ZNF423: variants seen among roughly 807,000 people sequenced by gnomAD.
The protein encoded by ZNF423 is zinc finger protein 423.
ZNF423 carries 12 observed loss-of-function variants against 95.8 expected under a neutral mutation model. That is an observed-to-expected ratio of 0.13 (90% CI 0.08 to 0.20). The LOEUF (loss-of-function observed/expected upper bound fraction) is 0.20. Among genes scored for constraint, ZNF423 ranks in the 10% least tolerant of loss-of-function variants. The pLI is 1.00. For synonymous variants in ZNF423, 749 were observed against 711.9 expected, an observed-to-expected ratio of 1.05 and a Z score of -0.83; for missense variants, 1,316 against 1,737.1, an observed-to-expected ratio of 0.76 and a Z score of 4.31.
At chr16:49,854,207 A>G (rs900661577) in intron 1 of ZNF423, 1 of 985,274 alleles carries the variant, frequency 1.0e-6, no homozygotes, top group African/African-American at 1.7e-5. Flanking sequence ...GAGACCAGCC[A>G]GGGTGAGGCG....
At chr16:49,543,765 T>C (rs56207352) in intron 5 of ZNF423, among the ~76,000 whole-genome samples, 41,497 of 152,084 alleles carry the variant, frequency 0.27, 6,557 homozygotes, top group African/African-American at 0.44. Context: ...TGTAAACCAG[T>C]GGGAACTCAG....
intron 7 of ZNF423, among the ~76,000 whole-genome samples, chr16:49,501,990 C>A (rs1212588460): frequency 6.6e-6 from 1 of 152,162 alleles, no homozygotes; most frequent in Non-Finnish European, 1.5e-5. Context: ...ATGCAATATA[C>A]CCATGTAATT....
At chr16:49,574,056 T>C (rs990821428) in intron 5 of ZNF423, among the ~76,000 whole-genome samples, 3 of 152,172 alleles carry the variant, frequency 2.0e-5, no homozygotes, top group Middle Eastern at 3.2e-3. Context: ...TCTCAAACTT[T>C]AGTGAATCAG....
rs191621963 is a variant in ZNF423, at chr16:49,689,318, C to T, written c.301+41453G>A. On this transcript the variant is annotated intron_variant, in intron 3 of 7. Transcript: ENST00000563137. The stretch of plus-strand genomic sequence containing the variant: ...AGATGGGTGAGGAGAATTAGCCAGG[C>T]GTGGTGGTGCGTGCCTGTGGTCCCA... Among the ~76,000 whole-genome samples, 432 of 150,856 alleles carry T rather than the reference C, an allele frequency of 2.9e-3. 4 individuals carry two copies. The highest frequency in any genetic ancestry group is 9.2e-3 in the African/African-American group (376 of 41,046).
intron 5 of ZNF423, among the ~76,000 whole-genome samples, chr16:49,564,512 T>C (rs937241786): frequency 2.0e-5 from 3 of 152,092 alleles, no homozygotes; most frequent in East Asian, 1.9e-4. Context: ...CCCTTAAACA[T>C]ATGAAATCAA....
intron 1 of ZNF423, among the ~76,000 whole-genome samples, chr16:49,793,288 C>A (rs1472148007): frequency 6.6e-6 from 1 of 152,218 alleles, no homozygotes; most frequent in East Asian, 1.9e-4. Context: ...CCCCAACCCA[C>A]ACTGGCAGCA....
chr16:49,737,105 A>T (rs1302796481), intron 2 of ZNF423, among the ~76,000 whole-genome samples: 1 of 151,814 alleles, frequency 6.6e-6, no homozygotes, highest in African/African-American at 2.4e-5. Flanking sequence ...CAGAAACTCT[A>T]TGTGGTAGGT....
intron 3 of ZNF423, among the ~76,000 whole-genome samples, chr16:49,677,392 A>AGGAGC (rs1567284351): frequency 2.2e-5 from 2 of 91,338 alleles, no homozygotes; most frequent in Non-Finnish European, 4.6e-5. Context: ...GGGAGGGGAG[A>AGGAGC]GGAGAGGAGA....
intron 5 of ZNF423, among the ~76,000 whole-genome samples, chr16:49,560,898 G>A (rs1284559815): frequency 6.6e-6 from 1 of 152,062 alleles, no homozygotes; most frequent in Non-Finnish European, 1.5e-5. Context: ...TTAGCACGTG[G>A]AACTTAATGA....
At chr16:49,692,563 G>A (rs1234392669) in intron 3 of ZNF423, among the ~76,000 whole-genome samples, 1 of 152,206 alleles carries the variant, frequency 6.6e-6, no homozygotes, top group Non-Finnish European at 1.5e-5. Context: ...GGTGGAGACT[G>A]AGAAGCCTGC....
At chr16:49,521,514 C>T (rs967549731) in intron 7 of ZNF423, among the ~76,000 whole-genome samples, 1 of 152,162 alleles carries the variant, frequency 6.6e-6, no homozygotes, top group African/African-American at 2.4e-5. Flanking sequence ...AGCTGTCGCC[C>T]CACACATCCT....
At chr16:49,664,471 C>T (rs993977398) in intron 3 of ZNF423, among the ~76,000 whole-genome samples, 1 of 152,228 alleles carries the variant, frequency 6.6e-6, no homozygotes, top group African/African-American at 2.4e-5. Flanking sequence ...CGGGGGCGAC[C>T]GAGGAGTTCT....
intron 1 of ZNF423, among the ~76,000 whole-genome samples, chr16:49,807,396 C>T (rs2034681563): frequency 6.6e-6 from 1 of 151,876 alleles, no homozygotes; most frequent in South Asian, 2.1e-4. Flanking sequence ...GCCCACTGCA[C>T]TCCAGCCTAG....
intron 7 of ZNF423, among the ~76,000 whole-genome samples, chr16:49,502,943 C>CAT (rs1555501537): frequency 0.012 from 1,664 of 143,688 alleles, 52 homozygotes; most frequent in African/African-American, 0.042. Flanking sequence ...CACACACACA[C>CAT]ATGGATGCCC....
At chr16:49,657,676 C>T (rs1447976807) in intron 3 of ZNF423, among the ~76,000 whole-genome samples, 1 of 152,262 alleles carries the variant, frequency 6.6e-6, no homozygotes, top group East Asian at 1.9e-4. Context: ...TCTACAGCAG[C>T]AGGCTCAACA....
chr16:49,737,069 C>G (rs540014025), intron 2 of ZNF423, among the ~76,000 whole-genome samples: 22 of 152,174 alleles, frequency 1.4e-4, no homozygotes, highest in African/African-American at 4.6e-4. Flanking sequence ...CCATTTTACA[C>G]TCACACTGCC....
chr16:49,681,320 T>C (rs527549918), intron 3 of ZNF423, among the ~76,000 whole-genome samples: 1 of 152,354 alleles, frequency 6.6e-6, no homozygotes, highest in African/African-American at 2.4e-5. Context: ...ACAGCTCCCA[T>C]GTCTAAATAA....
intron 5 of ZNF423, among the ~76,000 whole-genome samples, chr16:49,536,043 C>T (rs1188125923): frequency 6.6e-6 from 1 of 152,160 alleles, no homozygotes; most frequent in Non-Finnish European, 1.5e-5. Context: ...TTTGTCCCCA[C>T]CAAGATCATT....
intron 1 of ZNF423, among the ~76,000 whole-genome samples, chr16:49,842,192 C>G (rs765988829): frequency 1.1e-4 from 15 of 142,564 alleles, no homozygotes; most frequent in Admixed American, 1.4e-4. Context: ...GAACCGAGAT[C>G]GTGGCACTGC....
Sources: allele counts gnomAD v4.1 joint callset (sites outside exome capture counted in the v4.1 genomes callset), GRCh38; gene constraint gnomAD v4.1.1; transcripts MANE v1.5; gene names NCBI Gene and HGNC (gene_info 2026-07-23, HGNC 2026-07-21).